IQCM: variants seen among roughly 807,000 people sequenced by gnomAD.
IQCM encodes the protein IQ domain-containing protein M.
A neutral mutation model predicts 57.6 loss-of-function variants in IQCM; 45 were observed. That is an observed-to-expected ratio of 0.78 (90% CI 0.62 to 1.00). The LOEUF is 1.00. IQCM is among the 50% of genes least tolerant of loss of function. IQCM has a pLI of 0.00. For missense variants in IQCM, 468 were observed against 511.6 expected (o/e 0.91, Z 0.82); for synonymous variants, 148 against 158.9 (o/e 0.93, Z 0.51).
At chr4:149,375,035 C>T in intron 13 of IQCM, among the ~76,000 whole-genome samples, 1 of 150,090 alleles carries the variant, frequency 6.7e-6, no homozygotes, top group African/African-American at 2.4e-5. Flanking sequence ...CAAAATTTAA[C>T]AGAGAAGTAG....
intron 12 of IQCM, among the ~76,000 whole-genome samples, chr4:149,444,013 A>G (rs1158890613): frequency 6.6e-6 from 1 of 151,912 alleles, no homozygotes; most frequent in Non-Finnish European, 1.5e-5. Flanking sequence ...AGTATTCATT[A>G]AAAGGATCAA....
intron 12 of IQCM, among the ~76,000 whole-genome samples, chr4:149,481,931 G>A (rs1286548572): frequency 0.01 from 7 of 678 alleles, no homozygotes; most frequent in African/African-American, 0.025. Context: ...TTTTTTGGGG[G>A]GGTTGGTTTT....
At chr4:149,448,964 A>T (rs1380678033) in intron 12 of IQCM, among the ~76,000 whole-genome samples, 1 of 151,814 alleles carries the variant, frequency 6.6e-6, no homozygotes, top group African/African-American at 2.4e-5. Context: ...ATGTTTCCCA[A>T]TTCATTATAT....
chr4:149,774,213 A>G (rs1770853367), intron 2 of IQCM, among the ~76,000 whole-genome samples: 1 of 152,144 alleles, frequency 6.6e-6, no homozygotes, highest in Non-Finnish European at 1.5e-5. Flanking sequence ...TATTGTGGTA[A>G]AAAAACACAT....
intron 5 of IQCM, 97 bp downstream of exon 5, chr4:149,733,147 G>A: frequency 5.7e-6 from 6 of 1,053,230 alleles, no homozygotes; most frequent in Non-Finnish European, 7.3e-6. Flanking sequence ...AAAGTTCAGG[G>A]AATTATTTGA....
chr4:149,809,674 C>T (rs1191699147), intron 2 of IQCM, among the ~76,000 whole-genome samples: 1 of 152,170 alleles, frequency 6.6e-6, no homozygotes, highest in African/African-American at 2.4e-5. Flanking sequence ...TCGACTGATC[C>T]TTGCCACATT....
At chr4:149,797,001 G>C (rs1773169970) in intron 2 of IQCM, among the ~76,000 whole-genome samples, 1 of 152,010 alleles carries the variant, frequency 6.6e-6, no homozygotes, top group African/African-American at 2.4e-5. Context: ...TCAATGCTCA[G>C]ACACAAAATA....
At chr4:149,371,243 TC>T (rs1056723372) in intron 13 of IQCM, among the ~76,000 whole-genome samples, 2 of 152,152 alleles carry the variant, frequency 1.3e-5, no homozygotes, top group Non-Finnish European at 2.9e-5. Context: ...GGGGCAACTT[TC>T]TACTACCAAA....
intron 2 of IQCM, among the ~76,000 whole-genome samples, chr4:149,794,781 T>A (rs965432126): frequency 1.3e-5 from 2 of 152,058 alleles, no homozygotes; most frequent in African/African-American, 4.8e-5. Context: ...CAATAAAAAA[T>A]AGTAAATTTA....
intron 12 of IQCM, among the ~76,000 whole-genome samples, chr4:149,482,802 T>C (rs190035808): frequency 6.6e-6 from 1 of 151,664 alleles, no homozygotes; most frequent in African/African-American, 2.4e-5. Flanking sequence ...ATAATAAATT[T>C]GGAAACATGT....
intron 13 of IQCM, among the ~76,000 whole-genome samples, chr4:149,415,411 T>C (rs1426435841): frequency 6.6e-6 from 1 of 152,174 alleles, no homozygotes; most frequent in East Asian, 1.9e-4. Context: ...ATGTATTGCT[T>C]GCCTCGGTAT....
chr4:149,363,349 G>C (rs1259606456), intron 13 of IQCM, among the ~76,000 whole-genome samples: 1 of 152,148 alleles, frequency 6.6e-6, no homozygotes, highest in African/African-American at 2.4e-5. Context: ...GAAGTAGGGT[G>C]GGTCCAGGAA....
In IQCM at chr4:149,403,547, T is replaced by C. The variant is rs537657397; in HGVS notation, c.1390+29849A>G. On this transcript the variant is annotated intron_variant, in intron 13 of 13. Coordinates refer to ENST00000636793, the MANE Select transcript of IQCM (RefSeq NM_001363507.2). ...GACTAATTTTCAGCCTCAGCTACTC[T>C]ATTTTTTTTTTCTTGAAACTTTAGG... Among the ~76,000 whole-genome samples the C allele has an allele frequency of 2.1e-3, 324 of 152,038 alleles. 4 individuals carry two copies. Among genetic ancestry groups the C allele is most frequent in the African/African-American group, 7.5e-3 (312 of 41,544 alleles).
chr4:149,563,598 G>A, intron 10 of IQCM, 94 bp downstream of exon 10: 1 of 858,720 alleles, frequency 1.2e-6, no homozygotes, highest in Non-Finnish European at 1.5e-6. Context: ...AAAAAAAAAA[G>A]TATGTACATT....
At chr4:149,651,469 T>G (rs1759172682) in intron 7 of IQCM, among the ~76,000 whole-genome samples, 1 of 152,118 alleles carries the variant, frequency 6.6e-6, no homozygotes, top group Non-Finnish European at 1.5e-5. Context: ...CACAAATTTG[T>G]GTCATTACAA....
At chr4:149,725,652 T>G (rs2149867736) in intron 5 of IQCM, among the ~76,000 whole-genome samples, 1 of 152,128 alleles carries the variant, frequency 6.6e-6, no homozygotes, top group South Asian at 2.1e-4. Flanking sequence ...CACTTTGGCC[T>G]CATGATTACA....
chr4:149,722,441 C>A (rs1030508259), intron 5 of IQCM, among the ~76,000 whole-genome samples: 2 of 151,950 alleles, frequency 1.3e-5, no homozygotes, highest in African/African-American at 4.8e-5. Context: ...ATATTTAAGT[C>A]TTTAATCTAT....
chr4:149,362,414 T>G (rs899639583), intron 13 of IQCM, among the ~76,000 whole-genome samples: 1 of 152,160 alleles, frequency 6.6e-6, no homozygotes, highest in Non-Finnish European at 1.5e-5. Context: ...AACTTGAATT[T>G]TATCTCCCAG....
intron 7 of IQCM, among the ~76,000 whole-genome samples, chr4:149,652,829 A>G (rs551099165): frequency 2.9e-4 from 44 of 152,174 alleles, no homozygotes; most frequent in Non-Finnish European, 6.2e-4. Flanking sequence ...TTTAATAAAA[A>G]GTTACTGAAG....
Sources: gnomAD v4.1 joint callset for allele counts (sites outside exome capture counted in the v4.1 genomes callset) on GRCh38, gnomAD v4.1.1 for gene constraint, MANE v1.5 for transcripts, NCBI Gene and HGNC (gene_info 2026-07-23, HGNC 2026-07-21) for gene names.